RASGRF2: variants seen among roughly 807,000 people sequenced by gnomAD.
RASGRF2 encodes the protein ras-specific guanine nucleotide-releasing factor 2.
In RASGRF2, 76 loss-of-function variants were observed where a neutral mutation model predicts 151.0. That is an observed-to-expected ratio of 0.50 (90% CI 0.42 to 0.61). The LOEUF is 0.61. Among genes scored for constraint, RASGRF2 ranks in the 20% least tolerant of loss-of-function variants. The pLI is 0.00. For synonymous variants in RASGRF2, 504 were observed against 566.5 expected (o/e 0.89, Z 1.57); for missense variants, 1,148 against 1,564.6 (o/e 0.73, Z 4.49).
chr5:81,008,296 A>G (rs1464493132), intron 1 of RASGRF2, among the ~76,000 whole-genome samples: 1 of 151,760 alleles, frequency 6.6e-6, no homozygotes, highest in African/African-American at 2.4e-5. Context: ...GATTACAGGC[A>G]TGTGTCACCA....
intron 1 of RASGRF2, among the ~76,000 whole-genome samples, chr5:81,002,686 T>C (rs1749117039): frequency 6.6e-6 from 1 of 152,212 alleles, no homozygotes; most frequent in Non-Finnish European, 1.5e-5. Flanking sequence ...ATAAATAAGA[T>C]GATCTGTCGT....
rs138705269 is a variant in RASGRF2, at chr5:81,100,929, G to C, written c.1755+5937G>C. On this transcript the variant is annotated intron_variant, in intron 12 of 26. Transcript: ENST00000265080. ...AATATGGCAACACAGTAGACCGCTG[G>C]TCTTTAAATAGGTACTGCCTTAGGT... Among the ~76,000 whole-genome samples the C allele has an allele frequency of 7.7e-4, 118 of 152,294 alleles. 1 individual carries two copies. The highest frequency in any genetic ancestry group is 2.7e-3 in the African/African-American group (112 of 41,550).
chr5:81,125,525 CT>C (rs946260088), intron 16 of RASGRF2, among the ~76,000 whole-genome samples: 1 of 152,194 alleles, frequency 6.6e-6, no homozygotes, highest in Non-Finnish European at 1.5e-5. Flanking sequence ...CTTCTTAGAG[CT>C]TTGGTCAGTC....
At chr5:81,063,761 T>C (rs148143005) in intron 2 of RASGRF2, among the ~76,000 whole-genome samples, 1,575 of 152,296 alleles carry the variant, frequency 0.01, 10 homozygotes, top group Middle Eastern at 0.034. Flanking sequence ...TGGTTAGTAA[T>C]TCCATTGAGC....
chr5:81,113,622 A>G lies in RASGRF2; in HGVS notation c.2172A>G (p.Lys724=). The G allele has an allele frequency of 1.9e-6, 3 of 1,610,994 alleles. 1 individual carries two copies. The highest frequency in any genetic ancestry group is 2.2e-5 in the South Asian group (2 of 91,020). Reference sequence around the variant, plus strand: ...GCAAATCCCCACGTCTGTGTCGCAAATTCTCTTCCCCGCCACCACTGGCTG... The same window carrying G: ...GCAAATCCCCACGTCTGTGTCGCAAGTTCTCTTCCCCGCCACCACTGGCTG... ...VDGKSPRLCR[K]FSSPPPLAVS... is the part of the protein sequence containing the mutation. The change falls in exon 15 of 27, where the codon AAA becomes AAG. Residue 724 remains lysine, a synonymous_variant. Transcript: ENST00000265080.
Position 81,102,919 on chromosome 5 carries a change from G to A in RASGRF2, c.1756-6077G>A, listed in dbSNP as rs559760685. On this transcript the variant is annotated intron_variant, in intron 12 of 26. Transcript: ENST00000265080. Reference sequence around the variant, plus strand: ...AAATTAAAAATTACAAATCTTGTGAGTAAATTATGTATCATGAGTGAGACT... The same window carrying A: ...AAATTAAAAATTACAAATCTTGTGAATAAATTATGTATCATGAGTGAGACT... Among the ~76,000 whole-genome samples the A allele has an allele frequency of 3.4e-4, 52 of 152,264 alleles. 1 individual carries two copies. The highest frequency in any genetic ancestry group is 1.3e-3 in the African/African-American group (52 of 41,554).
chr5:81,072,195 T>G (rs1751797152), intron 4 of RASGRF2, among the ~76,000 whole-genome samples: 1 of 152,234 alleles, frequency 6.6e-6, no homozygotes, highest in Non-Finnish European at 1.5e-5. Flanking sequence ...AACTTAAAAT[T>G]GGTTATAATT....
intron 6 of RASGRF2, 87 bp downstream of exon 6, chr5:81,080,287 T>C (rs1450103098): frequency 2.1e-5 from 32 of 1,541,566 alleles, no homozygotes; most frequent in Non-Finnish European, 2.6e-5. Flanking sequence ...CAGCCTAAAC[T>C]GTTTGCATCA....
At position 81,228,422 on chromosome 5, in the gene RASGRF2, G is replaced by T. The variant is rs1756045304; in HGVS notation, c.*2652G>T. ...AAAATCCCCAAGAGCAATTTGCAGTGTTTTTTCTGGTCGTTAAAGTACCCA... is the reference window on the plus strand; with the variant it reads ...AAAATCCCCAAGAGCAATTTGCAGTTTTTTTTCTGGTCGTTAAAGTACCCA... On this transcript the variant is annotated 3_prime_UTR_variant, in exon 27 of 27. Transcript: ENST00000265080. 6.6e-6 allele frequency: 1 copy of T among 152,174 alleles called. No individual in the cohort carries two copies. The highest frequency in any genetic ancestry group is 1.5e-5 in the Non-Finnish European group (1 of 68,028). The allele number at this position is 152,174 out of a possible 1,614,324, so 9.4% of individuals were successfully genotyped here. A position where few individuals can be genotyped will look rare whatever the true frequency, so the allele number is the denominator to read the frequency against.
At chr5:81,202,599 A>G (rs1755422300) in intron 19 of RASGRF2, among the ~76,000 whole-genome samples, 1 of 152,222 alleles carries the variant, frequency 6.6e-6, no homozygotes, top group African/African-American at 2.4e-5. Context: ...CCTAAAAGAT[A>G]TATTGAAGTC....
intron 17 of RASGRF2, among the ~76,000 whole-genome samples, chr5:81,144,556 T>A (rs1753959936): frequency 6.6e-6 from 1 of 152,164 alleles, no homozygotes; most frequent in Non-Finnish European, 1.5e-5. Context: ...GAGGTGAAGC[T>A]CCCAAAGCTT....
At chr5:81,191,120 G>A (rs935285299) in intron 18 of RASGRF2, among the ~76,000 whole-genome samples, 7 of 152,100 alleles carry the variant, frequency 4.6e-5, no homozygotes, top group South Asian at 2.1e-4. Flanking sequence ...TGTTTGATCC[G>A]ACCAGGCCTG....
At chr5:81,177,156 C>T (rs1287797698) in intron 17 of RASGRF2, among the ~76,000 whole-genome samples, 1 of 152,196 alleles carries the variant, frequency 6.6e-6, no homozygotes, top group African/African-American at 2.4e-5. Context: ...TCAGATCCCT[C>T]TGTGTGTTTG....
chr5:81,160,679 CAAAAATAATAAT>C (rs1754361455), intron 17 of RASGRF2, among the ~76,000 whole-genome samples: 1 of 101,868 alleles, frequency 9.8e-6, no homozygotes, highest in African/African-American at 4.3e-5. Flanking sequence ...GACTCTGTCT[CAAAAATAATAAT>C]AATAATAATA....
At chr5:81,157,305 G>A (rs778857142) in intron 17 of RASGRF2, among the ~76,000 whole-genome samples, 4 of 149,812 alleles carry the variant, frequency 2.7e-5, no homozygotes, top group South Asian at 2.1e-4. Flanking sequence ...GCAGTGAGCC[G>A]AGATCGCGCC....
At chr5:81,034,386 T>C (rs1414471902) in intron 1 of RASGRF2, among the ~76,000 whole-genome samples, 6 of 152,238 alleles carry the variant, frequency 3.9e-5, no homozygotes, top group South Asian at 4.2e-4. Flanking sequence ...TGGAAGACAG[T>C]GTGGCGATTC....
intron 1 of RASGRF2, among the ~76,000 whole-genome samples, chr5:81,023,953 T>C (rs1749919851): frequency 1.3e-5 from 2 of 152,222 alleles, no homozygotes; most frequent in Admixed American, 1.3e-4. Flanking sequence ...TTATTGAATA[T>C]AATGTTAACC....
chr5:81,069,235 C>T (rs7736964), intron 3 of RASGRF2, among the ~76,000 whole-genome samples: 23,754 of 152,188 alleles, frequency 0.16, 2,237 homozygotes, highest in East Asian at 0.36. Flanking sequence ...GTACAAGCGT[C>T]CTCCAACAGA....
chr5:81,042,574 C>T (rs1750710128), intron 1 of RASGRF2, among the ~76,000 whole-genome samples: 1 of 152,158 alleles, frequency 6.6e-6, no homozygotes, highest in African/African-American at 2.4e-5. Flanking sequence ...ATCATATTAC[C>T]TTTCATTTAT....
Sources: gnomAD v4.1 joint callset for allele counts (sites outside exome capture counted in the v4.1 genomes callset) on GRCh38, gnomAD v4.1.1 for gene constraint, MANE v1.5 for transcripts, NCBI Gene and HGNC (gene_info 2026-07-23, HGNC 2026-07-21) for gene names.